SPTA1: variants seen among roughly 807,000 people sequenced by gnomAD.
The protein encoded by SPTA1 is spectrin alpha, erythrocytic 1, also known as spectrin alpha chain, erythrocytic 1.
In SPTA1, 177 loss-of-function variants were observed where a neutral mutation model predicts 324.7. The observed-to-expected ratio is 0.55, with a 90% CI of 0.48 to 0.62. SPTA1 has a LOEUF of 0.62. Ranked by LOEUF, SPTA1 falls within the 20% of genes least tolerant of loss-of-function variation. The pLI, the probability that SPTA1 is intolerant of heterozygous loss-of-function variation, is 0.00. For synonymous variants in SPTA1, 1,195 were observed against 1,041.3 expected (o/e 1.15, Z -2.84); for missense variants, 3,162 against 2,883.6 (o/e 1.10, Z -2.21).
chr1:158,658,338 A>G (rs1211198343), intron 18 of SPTA1, among the ~76,000 whole-genome samples: 2 of 152,178 alleles, frequency 1.3e-5, no homozygotes, highest in Non-Finnish European at 2.9e-5. Context: ...GAAGGGTGTT[A>G]CAGAGAGATA....
chr1:158,651,551 C>T, intron 23 of SPTA1, 83 bp from the exon 24 acceptor site: 1 of 881,502 alleles, frequency 1.1e-6, no homozygotes, highest in Non-Finnish European at 1.9e-6. Flanking sequence ...CCATACTTAC[C>T]TGTCCATCTC....
intron 15 of SPTA1, 73 bp from the exon 16 acceptor site, chr1:158,666,570 C>G (rs750757686): frequency 1.2e-5 from 15 of 1,284,642 alleles, no homozygotes; most frequent in Non-Finnish European, 1.7e-5. Flanking sequence ...ATACCTTCCT[C>G]CAATTGAAGG....
chr1:158,622,671 C>G, intron 43 of SPTA1: 1 of 337,018 alleles, frequency 3.0e-6, no homozygotes, highest in South Asian at 2.5e-5. Flanking sequence ...CAGGGACAAC[C>G]TTGACTTTTG....
In SPTA1 at chr1:158,644,111, T is replaced by G. The variant is rs182463193; in HGVS notation, c.4338+142A>C. On this transcript the variant is annotated intron_variant, in intron 30 of 51. Transcript: ENST00000643759. ...GAGATCACACCACTGCACTCCAGCC[T>G]GGGTGACAGAATGAGACTCCATCTC... 965 of 1,142,318 alleles carry G rather than the reference T, an allele frequency of 8.4e-4. 9 individuals are homozygous for G. In the African/African-American group the frequency reaches 0.012, roughly 14 times the overall value. The allele number at this position is 1,142,318 out of a possible 1,614,324, so 70.8% of individuals were successfully genotyped here. A position where few individuals can be genotyped will look rare whatever the true frequency, so the allele number is the denominator to read the frequency against.
chr1:158,662,240 A>G (rs1053626852), intron 17 of SPTA1, among the ~76,000 whole-genome samples: 1 of 152,206 alleles, frequency 6.6e-6, no homozygotes. Context: ...GCCTCAGTAT[A>G]AGTGTACTGG....
rs760481209 is a variant in SPTA1, at chr1:158,613,750, C to T, written c.6960G>A (p.Glu2320=). ...CTGGATCCACAGCATCCAGGAACTT[C>T]TCAAACTTGGGCTCATGTTCATCCT... ...VEEDEHEPKF[E]KFLDAVDPGR... is the part of the protein sequence containing the mutation. The change falls in exon 50 of 52, where the codon GAG becomes GAA. Residue 2320 remains glutamate (E), a synonymous_variant. Transcript: ENST00000643759. 1 of 1,613,856 alleles carries T rather than the reference C, an allele frequency of 6.2e-7. No individual in the cohort carries two copies. Among genetic ancestry groups the T allele is most frequent in the South Asian group, 1.1e-5 (1 of 91,072 alleles).
At chr1:158,666,201 C>T (rs1653584730) in intron 16 of SPTA1, 115 bp downstream of exon 16, 3 of 997,936 alleles carry the variant, frequency 3.0e-6, no homozygotes, top group Non-Finnish European at 3.0e-6. Flanking sequence ...ACACCCATTG[C>T]TTATTATTAC....
chr1:158,639,626 G>A lies in SPTA1; in HGVS notation c.4936C>T (p.Leu1646Phe), dbSNP rs772331386. 193 of 1,613,808 alleles carry A rather than the reference G, an allele frequency of 1.2e-4. No individual in the cohort carries two copies. Among genetic ancestry groups the A allele is most frequent in the Non-Finnish European group, 1.6e-4 (186 of 1,179,902 alleles). Residue 1646 changes from leucine (L) to phenylalanine (F), a missense_variant, in exon 35 of 52, where the codon CTC becomes TTC. Transcript: ENST00000643759. ...ARDLASAGNL[L>F]KKHQLLEREM... ...CTCTCCAATAGCTGATGCTTCTTGAGTAGGTTTCCTGCTGAAGCCAAGTCC... is the reference window on the plus strand; with the variant it reads ...CTCTCCAATAGCTGATGCTTCTTGAATAGGTTTCCTGCTGAAGCCAAGTCC...
At position 158,656,642 on chromosome 1, in the gene SPTA1, C is replaced by T. The variant is rs759064678; in HGVS notation, c.2820G>A (p.Lys940=). 1.2e-6 allele frequency: 2 copies of T among 1,613,582 alleles called. No homozygotes were observed. Among genetic ancestry groups the T allele is most frequent in the Non-Finnish European group, 1.7e-6 (2 of 1,179,804 alleles). Reference sequence around the variant, plus strand: ...TGAGATCTAATAGAAAGGCCTCATGCTTCTTTAGAAGAGCCTGCATTTATT... The same window carrying T: ...TGAGATCTAATAGAAAGGCCTCATGTTTCTTTAGAAGAGCCTGCATTTATT... The part of the protein sequence containing the change: ...DEEAAGALLK[K]HEAFLLDLNS... Residue 940 remains lysine (K), a synonymous_variant, in exon 20 of 52, where the codon AAG becomes AAA. Coordinates refer to ENST00000643759, the MANE Select transcript of SPTA1 (RefSeq NM_003126.4).
chr1:158,613,372 C>A (rs1196947015), intron 50 of SPTA1, among the ~76,000 whole-genome samples: 4 of 152,032 alleles, frequency 2.6e-5, no homozygotes, highest in African/African-American at 9.7e-5. Flanking sequence ...ACATAACCAC[C>A]CCAACCCCAT....
At chr1:158,667,263 TTTGTG>T (rs1653676826) in intron 15 of SPTA1, among the ~76,000 whole-genome samples, 1 of 152,244 alleles carries the variant, frequency 6.6e-6, no homozygotes. Flanking sequence ...AAACTCATTA[TTTGTG>T]TTAATTACTA....
rs1447159309 is a variant in SPTA1 at position 158,645,538 on chromosome 1, G to A, written c.3953C>T (p.Ala1318Val). The change falls in exon 28 of 52, where the codon GCC (alanine) becomes GTC (valine). Residue 1318 changes from alanine to valine, a missense_variant. Transcript: ENST00000643759. Reference sequence around the variant, plus strand: ...GATCTCTATGCCAGTTAAGTCTTCGGCCAGCTCCTGTGATGATACCATGCC... The same window carrying A: ...GATCTCTATGCCAGTTAAGTCTTCGACCAGCTCCTGTGATGATACCATGCC... ...IGGMVSSQEL[A>V]EDLTGIEILL... 6.2e-7 allele frequency: 1 copy of A among 1,613,968 alleles called. No individual in the cohort carries two copies. The highest frequency in any genetic ancestry group is 8.5e-7 in the Non-Finnish European group (1 of 1,179,930).
At chr1:158,615,078 T>TG in intron 48 of SPTA1, 138 bp downstream of exon 48, 3 of 871,336 alleles carry the variant, frequency 3.4e-6, no homozygotes, top group South Asian at 1.5e-5. Flanking sequence ...AGTCATTCCG[T>TG]GGGGCAGTAA....
rs773786046 is a variant in SPTA1 at position 158,639,620 on chromosome 1, T to G, written c.4942A>C (p.Lys1648Gln). The G allele has an allele frequency of 1.9e-6, 3 of 1,613,932 alleles. No homozygotes were observed. The South Asian group carries it at 3.3e-5, about 18-fold the overall frequency. Residue 1648 changes from lysine (K) to glutamine (Q), a missense_variant, in exon 35 of 52, where the codon AAG (lysine) becomes CAG (glutamine). Lys to Gln is a moderately conservative substitution (Grantham distance 53). Coordinates refer to ENST00000643759, the MANE Select transcript of SPTA1 (RefSeq NM_003126.4). ...ATCTCTCTCTCCAATAGCTGATGCT[T>G]CTTGAGTAGGTTTCCTGCTGAAGCC... ...DLASAGNLLK[K>Q]HQLLEREMLA...
intron 39 of SPTA1, 109 bp downstream of exon 39, chr1:158,634,434 T>C (rs1236492894): frequency 4.7e-6 from 7 of 1,480,354 alleles, no homozygotes; most frequent in Non-Finnish European, 6.5e-6. Flanking sequence ...ATTTCCTTCA[T>C]CTTCTTTCAC....
At position 158,652,525 on chromosome 1, in the gene SPTA1, G is replaced by A; in HGVS notation, c.3317C>T (p.Thr1106Ile). 1 of 1,614,118 alleles carries A rather than the reference G, an allele frequency of 6.2e-7. No individual in the cohort carries two copies. Among genetic ancestry groups the A allele is most frequent in the Non-Finnish European group, 8.5e-7 (1 of 1,180,028 alleles). The change falls in exon 23 of 52, where the codon ACT (threonine) becomes ATT (isoleucine). Residue 1106 changes from threonine (T) to isoleucine (I), a missense_variant. Physicochemically the swap from Thr to Ile is moderately conservative, Grantham distance 89. Coordinates refer to ENST00000643759, the MANE Select transcript of SPTA1 (RefSeq NM_003126.4). ...CCAAACATCATCTAGTTCCACTCCA[G>A]TGTTTTCTGCCTTTTTCTCTTGAAT... Reference protein sequence around the residue: ...EWIQEKKAENTGVELDDVWEL... With the variant: ...EWIQEKKAENIGVELDDVWEL...
intron 5 of SPTA1, among the ~76,000 whole-genome samples, chr1:158,679,001 G>A (rs778385024): frequency 7.2e-5 from 11 of 151,990 alleles, no homozygotes; most frequent in African/African-American, 2.2e-4. Flanking sequence ...TTATAGACAC[G>A]TGCTTTCACG....
chr1:158,656,309 TAA>T (rs1183841070), intron 20 of SPTA1, among the ~76,000 whole-genome samples: 1 of 152,078 alleles, frequency 6.6e-6, no homozygotes, highest in African/African-American at 2.4e-5. Context: ...GGTAGAAATA[TAA>T]AAGGAAGGAA....
chr1:158,643,617 C>G (rs1422262536), intron 30 of SPTA1, among the ~76,000 whole-genome samples, 192 bp from the exon 31 acceptor site: 3 of 152,142 alleles, frequency 2.0e-5, no homozygotes, highest in Non-Finnish European at 4.4e-5. Context: ...TAATGGGCTA[C>G]TTGTGTGGTA....
Sources: gnomAD v4.1 joint callset for allele counts (sites outside exome capture counted in the v4.1 genomes callset) on GRCh38, gnomAD v4.1.1 for gene constraint, MANE v1.5 for transcripts, NCBI Gene and HGNC (gene_info 2026-07-23, HGNC 2026-07-21) for gene names.